The following PCDH15 variants were observed in gnomAD, a reference collection of about 807,000 sequenced individuals.
The protein encoded by PCDH15 is protocadherin-15.
PCDH15 carries 129 observed loss-of-function variants against 178.5 expected under a neutral mutation model. That is an observed-to-expected ratio of 0.72 (90% CI 0.63 to 0.84). The LOEUF is 0.84. Ranked by LOEUF, PCDH15 falls within the 40% of genes least tolerant of loss-of-function variation. The pLI, the probability that PCDH15 is intolerant of heterozygous loss-of-function variation, is 0.00. For missense variants in PCDH15, 2,230 were observed against 2,099.9 expected (o/e 1.06, Z -1.21); for synonymous variants, 800 against 732.0 (o/e 1.09, Z -1.50).
chr10:54,101,852 G>GT (rs1258591497), intron 15 of PCDH15, among the ~76,000 whole-genome samples: 17 of 152,096 alleles, frequency 1.1e-4, no homozygotes, highest in Non-Finnish European at 2.1e-4. Context: ...TTGTGCAACT[G>GT]TAGTCTCAGC....
At chr10:55,170,237 C>A (rs2132122339) in intron 1 of PCDH15, among the ~76,000 whole-genome samples, 1 of 152,084 alleles carries the variant, frequency 6.6e-6, no homozygotes. Context: ...ACAGGCTTGA[C>A]CTCCTGGGCT....
chr10:54,070,484 G>A (rs2094218756), intron 17 of PCDH15, among the ~76,000 whole-genome samples: 1 of 152,166 alleles, frequency 6.6e-6, no homozygotes, highest in Admixed American at 6.5e-5. Flanking sequence ...GATTACAGGC[G>A]TGAGCCATCG....
chr10:54,599,940 G>A, intron 2 of PCDH15: 4 of 897,292 alleles, frequency 4.5e-6, no homozygotes, highest in Non-Finnish European at 7.2e-6. Context: ...AGGAGGAGTT[G>A]GTGGCAGACA....
At chr10:53,946,493 T>A (rs574321198) in intron 23 of PCDH15, among the ~76,000 whole-genome samples, 1 of 152,338 alleles carries the variant, frequency 6.6e-6, no homozygotes, top group East Asian at 1.9e-4. Flanking sequence ...AGTATGTAGT[T>A]TTTTTGGACT....
chr10:55,208,512 T>C (rs547614583), intron 1 of PCDH15, among the ~76,000 whole-genome samples: 1 of 152,214 alleles, frequency 6.6e-6, no homozygotes, highest in Admixed American at 6.5e-5. Context: ...TTGCTCATAT[T>C]TCTCCAACAT....
chr10:54,298,295 C>T (rs1405089643), intron 8 of PCDH15, among the ~76,000 whole-genome samples: 1 of 152,108 alleles, frequency 6.6e-6, no homozygotes, highest in Non-Finnish European at 1.5e-5. Flanking sequence ...AAAAGTGAGC[C>T]CTAGGCCCTG....
intron 10 of PCDH15, among the ~76,000 whole-genome samples, chr10:54,202,939 A>G (rs1317957017): frequency 6.6e-6 from 1 of 152,162 alleles, no homozygotes; most frequent in East Asian, 1.9e-4. Flanking sequence ...ATGTGAGCAG[A>G]ATGTACTTTC....
At chr10:54,468,464 A>G (rs2077676769) in intron 3 of PCDH15, among the ~76,000 whole-genome samples, 1 of 152,000 alleles carries the variant, frequency 6.6e-6, no homozygotes, top group South Asian at 2.1e-4. Flanking sequence ...ATATTAATAT[A>G]GTTTTCAAAG....
At chr10:54,536,020 A>G (rs2084480447) in intron 2 of PCDH15, among the ~76,000 whole-genome samples, 1 of 152,166 alleles carries the variant, frequency 6.6e-6, no homozygotes, top group African/African-American at 2.4e-5. Context: ...CTAAGCTTCC[A>G]GCAAGCAACC....
At chr10:54,132,497 G>T (rs186316306) in intron 15 of PCDH15, among the ~76,000 whole-genome samples, 271 of 152,246 alleles carry the variant, frequency 1.8e-3, no homozygotes, top group Admixed American at 3.1e-3. Context: ...ACACAAGACT[G>T]CATCAAAAAT....
At chr10:55,083,542 T>A (rs1216368905) in intron 2 of PCDH15, among the ~76,000 whole-genome samples, 1 of 151,758 alleles carries the variant, frequency 6.6e-6, no homozygotes, top group Non-Finnish European at 1.5e-5. Flanking sequence ...GCTATTTCCA[T>A]AATACTAGAA....
At chr10:55,531,009 T>TTTTG (rs111833955) in intron 2 of PCDH15, among the ~76,000 whole-genome samples, 20,431 of 144,380 alleles carry the variant, frequency 0.14, 1,975 homozygotes, top group African/African-American at 0.28. Context: ...TTAGGGTTGC[T>TTTTG]TTTGTTTGTT....
chr10:53,938,419 T>C (rs555303463), intron 25 of PCDH15, among the ~76,000 whole-genome samples: 1 of 152,278 alleles, frequency 6.6e-6, no homozygotes, highest in South Asian at 2.1e-4. Context: ...TGATTTTTTC[T>C]TTTCTCGAAG....
chr10:54,849,028 T>A (rs1953562996), intron 3 of PCDH15, among the ~76,000 whole-genome samples: 1 of 148,404 alleles, frequency 6.7e-6, no homozygotes, highest in South Asian at 2.1e-4. Context: ...TAATTTGTTA[T>A]CTATAAAATT....
In PCDH15 at chr10:54,509,899, G is replaced by T. The variant is rs562162377; in HGVS notation, c.157+17913C>A. ...TTTGAATGTGTTCACATATGTCTTC[G>T]AAACTTTCTTCCACATGCCGATCAT... On this transcript the variant is annotated intron_variant, in intron 3 of 37. Coordinates refer to ENST00000644397, the MANE Select transcript of PCDH15 (RefSeq NM_001384140.1). 4.2e-4 allele frequency among the ~76,000 whole-genome samples: 64 copies of T among 152,202 alleles called. 2 individuals are homozygous for T. In the South Asian group the frequency reaches 0.013, roughly 31 times the overall value.
intron 2 of PCDH15, among the ~76,000 whole-genome samples, chr10:55,149,416 G>A (rs1360303745): frequency 1.3e-5 from 2 of 151,742 alleles, no homozygotes; most frequent in African/African-American, 2.4e-5. Context: ...TACACATATA[G>A]TATCAATTTG....
intron 25 of PCDH15, among the ~76,000 whole-genome samples, chr10:53,920,528 T>C (rs2083910636): frequency 1.3e-5 from 2 of 152,100 alleles, no homozygotes; most frequent in South Asian, 4.1e-4. Context: ...TTATTGTATA[T>C]AATGATAAGT....
chr10:54,451,275 TA>T, intron 3 of PCDH15, among the ~76,000 whole-genome samples: 1 of 151,884 alleles, frequency 6.6e-6, no homozygotes, highest in East Asian at 1.9e-4. Context: ...CATCAATTAT[TA>T]TGCAAATACT....
chr10:55,057,028 T>C (rs1475034394), intron 2 of PCDH15, among the ~76,000 whole-genome samples: 1 of 152,160 alleles, frequency 6.6e-6, no homozygotes, highest in Admixed American at 6.6e-5. Flanking sequence ...AATTGATTAG[T>C]AAGTTTCCAT....
Sources: allele counts gnomAD v4.1 joint callset (sites outside exome capture counted in the v4.1 genomes callset), GRCh38; gene constraint gnomAD v4.1.1; transcripts MANE v1.5; gene names NCBI Gene and HGNC (gene_info 2026-07-23, HGNC 2026-07-21).